Variants in SLC24A2 observed in about 807,000 individuals in gnomAD.
SLC24A2 encodes solute carrier family 24 member 2.
In SLC24A2, 36 loss-of-function variants were observed where a neutral mutation model predicts 62.0. The ratio of observed to expected loss-of-function variants is 0.58; its 90% confidence interval spans 0.44 to 0.77. The LOEUF is 0.77. Among genes scored for constraint, SLC24A2 ranks in the 30% least tolerant of loss-of-function variants. SLC24A2 has a pLI of 0.00. For synonymous variants in SLC24A2, 358 were observed against 294.0 expected, an observed-to-expected ratio of 1.22 and a Z score of -2.23; for missense variants, 846 against 817.9, an observed-to-expected ratio of 1.03 and a Z score of -0.42.
At chr9:19,843,869 G>T in the SLC24A2 span, among the ~76,000 whole-genome samples, 1 of 152,134 alleles carries the variant, frequency 6.6e-6, no homozygotes, top group Admixed American at 6.5e-5. Flanking sequence ...TCTATTTTAT[G>T]GCTGCGAAGA....
At chr9:19,892,124 A>C in the SLC24A2 span, among the ~76,000 whole-genome samples, 1 of 151,944 alleles carries the variant, frequency 6.6e-6, no homozygotes. Context: ...GTTGTACTTC[A>C]GGGTCTTTGC....
the SLC24A2 span, among the ~76,000 whole-genome samples, chr9:20,041,691 C>T: frequency 3.9e-5 from 6 of 152,352 alleles, no homozygotes; most frequent in African/African-American, 1.4e-4. Context: ...GATAGGAGGT[C>T]TGCTCAATTC....
the SLC24A2 span, among the ~76,000 whole-genome samples, chr9:19,914,553 A>G: frequency 1.3e-5 from 2 of 151,882 alleles, 1 homozygote; most frequent in South Asian, 4.1e-4. Context: ...TGGCCTGGCA[A>G]AGTCATCTTT....
chr9:19,909,036 T>C, the SLC24A2 span, among the ~76,000 whole-genome samples: 1 of 152,192 alleles, frequency 6.6e-6, no homozygotes, highest in Non-Finnish European at 1.5e-5. Flanking sequence ...TGCACACGTA[T>C]GTTTATTGTG....
At chr9:20,096,657 T>G in the SLC24A2 span, among the ~76,000 whole-genome samples, 1 of 152,198 alleles carries the variant, frequency 6.6e-6, no homozygotes, top group Non-Finnish European at 1.5e-5. Flanking sequence ...TTCTTCTGGA[T>G]TTTACAAGAA....
chr9:20,260,509 T>A, the SLC24A2 span, among the ~76,000 whole-genome samples: 1 of 152,230 alleles, frequency 6.6e-6, no homozygotes, highest in Non-Finnish European at 1.5e-5. Context: ...TACAATTAGA[T>A]ATCAATTTTC....
the SLC24A2 span, among the ~76,000 whole-genome samples, chr9:19,973,033 T>C: frequency 6.6e-6 from 1 of 152,228 alleles, no homozygotes; most frequent in Admixed American, 6.5e-5. Context: ...AGTGTAGAAA[T>C]AGGACTTTAA....
At chr9:19,820,964 C>T in the SLC24A2 span, among the ~76,000 whole-genome samples, 1 of 152,082 alleles carries the variant, frequency 6.6e-6, no homozygotes, top group South Asian at 2.1e-4. Context: ...ACTGAATAAC[C>T]AAATTTTTTT....
At chr9:19,706,749 C>A (rs937393335) in intron 2 of SLC24A2, among the ~76,000 whole-genome samples, 1 of 152,116 alleles carries the variant, frequency 6.6e-6, no homozygotes, top group Non-Finnish European at 1.5e-5. Flanking sequence ...GGGACACATT[C>A]AAAGCAGTGT....
the SLC24A2 span, among the ~76,000 whole-genome samples, chr9:20,077,156 G>A: frequency 1.3e-5 from 2 of 151,908 alleles, no homozygotes; most frequent in Non-Finnish European, 2.9e-5. Flanking sequence ...AGGAATAAAT[G>A]GGGAGATGTA....
At chr9:19,792,015 A>T (rs543454095), upstream of SLC24A2, among the ~76,000 whole-genome samples, 5 of 152,298 alleles carry the variant, frequency 3.3e-5, no homozygotes, top group South Asian at 1.0e-3. Flanking sequence ...AAAAATCAGT[A>T]ATGAATTTTA....
the SLC24A2 span, among the ~76,000 whole-genome samples, chr9:19,921,168 C>G: frequency 6.6e-6 from 1 of 151,862 alleles, no homozygotes; most frequent in Non-Finnish European, 1.5e-5. Flanking sequence ...TTCTCCTCAC[C>G]TTTATTTGAT....
At chr9:19,554,147 G>A (rs1051943469) in intron 7 of SLC24A2, among the ~76,000 whole-genome samples, 1 of 152,182 alleles carries the variant, frequency 6.6e-6, no homozygotes. Context: ...GGGTTCCTTT[G>A]CACAGAAGAA....
the SLC24A2 span, among the ~76,000 whole-genome samples, chr9:20,161,074 C>T: frequency 6.6e-6 from 1 of 151,246 alleles, no homozygotes; most frequent in Non-Finnish European, 1.5e-5. Flanking sequence ...ATGGATAAAA[C>T]TTCTTTAAAA....
chr9:20,056,574 G>C, the SLC24A2 span, among the ~76,000 whole-genome samples: 2 of 152,132 alleles, frequency 1.3e-5, no homozygotes, highest in African/African-American at 4.8e-5. Flanking sequence ...TTTTAATTTA[G>C]CTCCTCAGTA....
At chr9:19,765,375 C>T (rs1017283304) in intron 2 of SLC24A2, among the ~76,000 whole-genome samples, 3 of 152,130 alleles carry the variant, frequency 2.0e-5, no homozygotes, top group East Asian at 1.9e-4. Context: ...TTAGTTGATG[C>T]AGTTTCTTCA....
chr9:19,714,021 C>T (rs1820789188), intron 2 of SLC24A2, among the ~76,000 whole-genome samples: 1 of 152,260 alleles, frequency 6.6e-6, no homozygotes, highest in African/African-American at 2.4e-5. Flanking sequence ...TCCATAATAC[C>T]TCAGTTCCTA....
At chr9:20,171,733 C>T in the SLC24A2 span, among the ~76,000 whole-genome samples, 1 of 151,946 alleles carries the variant, frequency 6.6e-6, no homozygotes, top group Admixed American at 6.6e-5. Context: ...TACTACTAGA[C>T]CTAAGAAATG....
At chr9:20,305,585 T>A in the SLC24A2 span, among the ~76,000 whole-genome samples, 2 of 152,068 alleles carry the variant, frequency 1.3e-5, no homozygotes, top group South Asian at 4.2e-4. Flanking sequence ...TCTAAGTAAA[T>A]AAAAATAGTT....
Sources: gnomAD v4.1 joint callset for allele counts (sites outside exome capture counted in the v4.1 genomes callset) on GRCh38, gnomAD v4.1.1 for gene constraint, MANE v1.5 for transcripts, NCBI Gene and HGNC (gene_info 2026-07-23, HGNC 2026-07-21) for gene names.